The following KIZ variants were observed in gnomAD, a reference collection of about 807,000 sequenced individuals.
The protein encoded by KIZ is centrosomal protein kizuna.
Under a neutral mutation model 79.6 loss-of-function variants are expected in KIZ, and 68 were observed. That is an observed-to-expected ratio of 0.85 (90% CI 0.70 to 1.05). The LOEUF (loss-of-function observed/expected upper bound fraction) is 1.05, where lower values mean the gene tolerates loss of function less well. KIZ is among the 50% of genes least tolerant of loss of function. KIZ has a pLI of 0.00. For missense variants in KIZ, 797 were observed against 800.4 expected, an observed-to-expected ratio of 1.00 and a Z score of 0.05; for synonymous variants, 280 against 281.8, an observed-to-expected ratio of 0.99 and a Z score of 0.06.
intron 4 of KIZ, chr20:21,150,873 T>C (rs943662648): frequency 6.6e-6 from 1 of 152,262 alleles, no homozygotes; most frequent in Admixed American, 6.5e-5. Context: ...GGTGGGCTGC[T>C]CTCTGAGTGA....
intron 6 of KIZ, among the ~76,000 whole-genome samples, chr20:21,203,678 A>T (rs918945142): frequency 6.6e-6 from 1 of 152,202 alleles, no homozygotes; most frequent in Non-Finnish European, 1.5e-5. Flanking sequence ...TTTTTTGACC[A>T]CAAAAGCAGG....
intron 9 of KIZ, among the ~76,000 whole-genome samples, chr20:21,219,742 C>T (rs1190673774): frequency 1.3e-5 from 2 of 152,204 alleles, no homozygotes; most frequent in Non-Finnish European, 2.9e-5. Context: ...CCAGCATTCT[C>T]ATCTCTTCAT....
chr20:21,240,228 G>C (rs977791808), intron 11 of KIZ, among the ~76,000 whole-genome samples: 1 of 152,082 alleles, frequency 6.6e-6, no homozygotes, highest in Admixed American at 6.5e-5. Context: ...AGGTTCAAGC[G>C]ATTCTTCTGC....
At chr20:21,203,957 C>T (rs2035698166) in intron 6 of KIZ, among the ~76,000 whole-genome samples, 1 of 152,004 alleles carries the variant, frequency 6.6e-6, no homozygotes, top group Non-Finnish European at 1.5e-5. Flanking sequence ...TTTTCCCTTC[C>T]CCCCAGGCCC....
chr20:21,155,396 C>T (rs1023701869), intron 4 of KIZ, among the ~76,000 whole-genome samples: 1 of 129,842 alleles, frequency 7.7e-6, no homozygotes, highest in African/African-American at 2.6e-5. Context: ...AAACATTGTG[C>T]TAAGTGAAAG....
At chr20:21,230,182 A>T (rs1221288258) in intron 10 of KIZ, among the ~76,000 whole-genome samples, 2 of 152,180 alleles carry the variant, frequency 1.3e-5, no homozygotes, top group Non-Finnish European at 1.5e-5. Flanking sequence ...TGTCTCAAGG[A>T]TGTCTTCTTC....
intron 7 of KIZ, among the ~76,000 whole-genome samples, chr20:21,206,859 A>G (rs2035848508): frequency 6.6e-6 from 1 of 152,134 alleles, no homozygotes; most frequent in African/African-American, 2.4e-5. Flanking sequence ...CGAAGATGCT[A>G]AACAGAAAAT....
rs74648338 is a variant in KIZ, at chr20:21,219,271, A to G, written c.1678+3623A>G. Among the ~76,000 whole-genome samples, 1,003 of 152,268 alleles carry G rather than the reference A, an allele frequency of 6.6e-3. 14 individuals carry two copies. The highest frequency in any genetic ancestry group is 0.023 in the African/African-American group (961 of 41,540). ...TCATTTCAGCAAAACCAAGTTCAGT[A>G]TCTTCCAGGGGTGAGTGCTTGAACC... On this transcript the variant is annotated intron_variant, in intron 9 of 12. Coordinates refer to ENST00000619189, the MANE Select transcript of KIZ (RefSeq NM_018474.6).
chr20:21,143,258 G>A (rs550624171), intron 3 of KIZ, among the ~76,000 whole-genome samples: 19 of 151,576 alleles, frequency 1.3e-4, no homozygotes, highest in South Asian at 1.0e-3. Context: ...GATTTTAAAC[G>A]TCGATTCAGT....
At chr20:21,145,750 A>T (rs1046895197) in intron 4 of KIZ, 96 bp downstream of exon 4, 1 of 524,356 alleles carries the variant, frequency 1.9e-6, no homozygotes, top group African/African-American at 2.0e-5. Context: ...CTTATTAGGA[A>T]GATCCCTTTG....
intron 10 of KIZ, 76 bp downstream of exon 10, chr20:21,229,191 C>A: frequency 1.2e-6 from 1 of 813,348 alleles, no homozygotes; most frequent in Non-Finnish European, 2.0e-6. Context: ...GGTGGTTATT[C>A]TTTATGAAGG....
At chr20:21,194,833 A>T (rs1235975923) in intron 6 of KIZ, 3 of 134,074 alleles carry the variant, frequency 2.2e-5, no homozygotes, top group Admixed American at 7.2e-5. Flanking sequence ...CATTTTTATT[A>T]AAAAAAAAAA....
chr20:21,183,662 A>G lies in KIZ; in HGVS notation c.1352+20503A>G, dbSNP rs17805911. ...GAATTAGCATGCTTACAATAAAAAT[A>G]AAACTGATACAGAAACAGTAAATTA... On this transcript the variant is annotated intron_variant, in intron 6 of 12. Coordinates refer to ENST00000619189, the MANE Select transcript of KIZ (RefSeq NM_018474.6). 7.7e-4 allele frequency among the ~76,000 whole-genome samples: 118 copies of G among 152,390 alleles called. 1 individual carries two copies. In the East Asian group the frequency reaches 0.022, roughly 28 times the overall value.
chr20:21,141,780 A>C (rs1003366060), intron 3 of KIZ, among the ~76,000 whole-genome samples: 3 of 148,626 alleles, frequency 2.0e-5, no homozygotes. Flanking sequence ...GAGCAGCCTC[A>C]CCCTTATTAC....
intron 6 of KIZ, among the ~76,000 whole-genome samples, chr20:21,190,534 C>T (rs1305161801): frequency 2.0e-5 from 3 of 152,174 alleles, no homozygotes; most frequent in East Asian, 1.9e-4. Context: ...TAAATTGCCT[C>T]GGGATAACCG....
chr20:21,212,617 C>T (rs2036114795), intron 7 of KIZ, among the ~76,000 whole-genome samples: 1 of 152,184 alleles, frequency 6.6e-6, no homozygotes, highest in African/African-American at 2.4e-5. Flanking sequence ...ATGTAACTCC[C>T]TTCATAAATT....
rs2033676120 is a variant in KIZ at position 21,161,877 on chromosome 20, G to T, written c.412G>T (p.Val138Leu). Residue 138 changes from valine (V) to leucine (L), a missense_variant, in exon 5 of 13, where the codon GTG becomes TTG. Transcript: ENST00000619189. ...LTDEDREKVA[V>L]HEGINSGTAM... ...ATCTCTTTTGGTGTTGCAGGTTGCA[G>T]TGCACGAGGGGATTAACTCAGGAAC... 6.2e-7 allele frequency: 1 copy of T among 1,610,154 alleles called. No individual in the cohort carries two copies. The highest frequency in any genetic ancestry group is 8.5e-7 in the Non-Finnish European group (1 of 1,177,064).
intron 5 of KIZ, 30 bp from the exon 6 acceptor site, chr20:21,162,820 T>C (rs2033741040): frequency 6.4e-7 from 1 of 1,574,060 alleles, no homozygotes; most frequent in African/African-American, 1.4e-5. Flanking sequence ...AAGTCAGTGA[T>C]TGGTAATCAG....
chr20:21,178,814 T>C (rs373346078), intron 6 of KIZ, among the ~76,000 whole-genome samples: 4 of 152,152 alleles, frequency 2.6e-5, no homozygotes, highest in African/African-American at 9.6e-5. Flanking sequence ...AGTTATTCTG[T>C]GTCTATTAAG....
Sources: allele counts gnomAD v4.1 joint callset (sites outside exome capture counted in the v4.1 genomes callset), GRCh38; gene constraint gnomAD v4.1.1; transcripts MANE v1.5; gene names NCBI Gene and HGNC (gene_info 2026-07-23, HGNC 2026-07-21).